TMEM63B: variants seen among roughly 807,000 people sequenced by gnomAD.
TMEM63B encodes transmembrane protein 63B, also known as mechanosensitive cation channel TMEM63B.
TMEM63B carries 23 observed loss-of-function variants against 102.6 expected under a neutral mutation model. That is an observed-to-expected ratio of 0.22 (90% CI 0.16 to 0.32). The LOEUF (loss-of-function observed/expected upper bound fraction) is 0.32. Among genes scored for constraint, TMEM63B ranks in the 10% least tolerant of loss-of-function variants. The pLI is 1.00. For synonymous variants in TMEM63B, 444 were observed against 437.0 expected (o/e 1.02, Z -0.20); for missense variants, 628 against 1,095.9 (o/e 0.57, Z 6.03).
upstream of TMEM63B, chr6:44,127,003 C>T (rs1465910909): frequency 6.6e-6 from 1 of 152,280 alleles, no homozygotes; most frequent in Non-Finnish European, 1.5e-5. Context: ...AGGAGACGCT[C>T]CGGAGTGACC....
Position 44,130,738 on chromosome 6 carries a change from A to G in TMEM63B, c.-25+3060A>G, listed in dbSNP as rs1007444122. 1.5e-5 allele frequency among the ~76,000 whole-genome samples: 2 copies of G among 133,416 alleles called. 1 individual carries two copies. 87.5% of individuals were successfully genotyped at this position (133,416 alleles called of 152,430 possible). A position where few individuals can be genotyped will look rare whatever the true frequency, so the allele number is the denominator to read the frequency against. ...AGTGCTGGGATTACAGGTGTGAGCCACCATGCCTGGCTTTTTTTTTTTTTT... is the reference window on the plus strand; with the variant it reads ...AGTGCTGGGATTACAGGTGTGAGCCGCCATGCCTGGCTTTTTTTTTTTTTT... On this transcript the variant is annotated intron_variant, in intron 1 of 23. Coordinates refer to ENST00000323267, the MANE Select transcript of TMEM63B (RefSeq NM_018426.3).
At position 44,150,161 on chromosome 6, in the gene TMEM63B, G is replaced by T; in HGVS notation, c.1521-63G>T. On this transcript the variant is annotated intron_variant, in intron 16 of 23. Coordinates refer to ENST00000323267, the MANE Select transcript of TMEM63B (RefSeq NM_018426.3). This position sits in a 1 kb window ranked among gnomAD's most constrained non-coding sequence, Gnocchi z 4.7. ...CACTCCTTGGACATTGTCCTTGTTG[G>T]GGGAGCAAGTCTGGGGCCTGGGCTC... 6.5e-7 allele frequency: 1 copy of T among 1,528,464 alleles called. No homozygotes were observed. The highest frequency in any genetic ancestry group is 9.0e-7 in the Non-Finnish European group (1 of 1,107,882). The allele number at this position is 1,528,464 out of a possible 1,614,324, so 94.7% of individuals were successfully genotyped here. A position where few individuals can be genotyped will look rare whatever the true frequency, so the allele number is the denominator to read the frequency against.
intron 15 of TMEM63B, 59 bp from the exon 16 acceptor site, chr6:44,149,800 C>A: frequency 6.9e-7 from 1 of 1,439,180 alleles, no homozygotes; most frequent in Non-Finnish European, 9.5e-7. Flanking sequence ...GGCACATAAG[C>A]AAAGCCACCT....
chr6:44,134,377 C>CGCTCT, intron 1 of TMEM63B, 184 bp from the exon 2 acceptor site: 1 of 590,074 alleles, frequency 1.7e-6, no homozygotes, highest in Non-Finnish European at 2.9e-6. Context: ...AGCCAGAGAG[C>CGCTCT]CAGTGAAGGT....
At chr6:44,145,354 G>A (rs1346024226) in intron 10 of TMEM63B, among the ~76,000 whole-genome samples, 1 of 151,368 alleles carries the variant, frequency 6.6e-6, no homozygotes, top group Non-Finnish European at 1.5e-5. Context: ...GCCAGGGCGG[G>A]CCAATCACCT....
In TMEM63B at chr6:44,137,293, TAATTC is replaced by T. The variant is rs1444929322; in HGVS notation, c.369+855_369+859del. The stretch of plus-strand genomic sequence containing the variant: ...TGTTACCTGCCTGGCTCTCCATCAT[TAATTC>T]CATGAGGGTAAGGAGCCTAGTCAGA... On this transcript the variant is annotated intron_variant, in intron 5 of 23. Coordinates refer to ENST00000323267, the MANE Select transcript of TMEM63B (RefSeq NM_018426.3). Among the ~76,000 whole-genome samples the T allele has an allele frequency of 2.0e-5, 3 of 152,310 alleles. No individual in the cohort carries two copies. In the East Asian group the frequency reaches 5.8e-4, roughly 29 times the overall value.
At position 44,152,718 on chromosome 6, in the gene TMEM63B, G is replaced by A. The variant is rs1032768158; in HGVS notation, c.1942+20G>A. On this transcript the variant is annotated intron_variant, in intron 20 of 23. Transcript: ENST00000323267. The surrounding 1 kb of genome is among the most constrained non-coding windows in gnomAD (Gnocchi z 6.4). ...CCTTCGGTAGGCACCGCCGCGCCGG[G>A]ACCTGGGCCCTGCTCGGGGGGACCC... The A allele has an allele frequency of 1.3e-6, 2 of 1,591,754 alleles. No individual in the cohort carries two copies. Among genetic ancestry groups the A allele is most frequent in the Admixed American group, 3.3e-5 (2 of 59,938 alleles).
At chr6:44,141,419 A>T (rs1764244067) in intron 10 of TMEM63B, among the ~76,000 whole-genome samples, 1 of 152,142 alleles carries the variant, frequency 6.6e-6, no homozygotes, top group South Asian at 2.1e-4. Flanking sequence ...TTCAAAATTA[A>T]AAGCAGCATT....
intron 6 of TMEM63B, chr6:44,138,736 G>GCACCCCCCCCCC: frequency 3.6e-6 from 1 of 280,538 alleles, no homozygotes; most frequent in Non-Finnish European, 6.9e-6. Flanking sequence ...CCCCCTGCCG[G>GCACCCCCCCCCC]CCCCCCCGCT....
chr6:44,150,416 A>G lies in TMEM63B; in HGVS notation c.1607+106A>G, dbSNP rs1766354154. 1 of 1,461,340 alleles carries G rather than the reference A, an allele frequency of 6.8e-7. No homozygotes were observed. The highest frequency in any genetic ancestry group is 1.2e-5 in the South Asian group (1 of 86,694). The allele number at this position is 1,461,340 out of a possible 1,614,324, so 90.5% of individuals were successfully genotyped here. ...TCCCCTACAAAGCAAGGGGCCCAAG[A>G]TGGGAAGCCTGGCCACCCCCAGGCC... On this transcript the variant is annotated intron_variant, in intron 17 of 23. Coordinates refer to ENST00000323267, the MANE Select transcript of TMEM63B (RefSeq NM_018426.3). This position sits in a 1 kb window ranked among gnomAD's most constrained non-coding sequence, Gnocchi z 4.7.
In TMEM63B at chr6:44,154,853, C is replaced by T; in HGVS notation, c.2469C>T (p.Asp823=). The part of the protein sequence containing the change: ...LTDTDFQSCE[D]SLIENEIHQ ...ACACAGACTTCCAGTCTTGCGAGGA[C>T]AGCCTCATAGAGAATGAGATTCACC... Residue 823 remains aspartate (D), a synonymous_variant, in exon 24 of 24, where the codon GAC becomes GAT. Coordinates refer to ENST00000323267, the MANE Select transcript of TMEM63B (RefSeq NM_018426.3). 6.2e-7 allele frequency: 1 copy of T among 1,602,406 alleles called. No homozygotes were observed. The highest frequency in any genetic ancestry group is 1.7e-5 in the Admixed American group (1 of 58,666).
At chr6:44,154,337 C>T in intron 22 of TMEM63B, 28 bp from the exon 23 acceptor site, 1 of 1,613,144 alleles carries the variant, frequency 6.2e-7, no homozygotes, top group East Asian at 2.2e-5. Context: ...CATGCCCCCA[C>T]TTCCTGACTC....
chr6:44,140,588 A>T (rs1333937736), intron 9 of TMEM63B: 2 of 645,854 alleles, frequency 3.1e-6, no homozygotes, highest in Non-Finnish European at 5.7e-6. Context: ...GAATACACAG[A>T]AACAGCCGTG....
rs547559259 is a variant in TMEM63B, at chr6:44,152,058, C to G, written c.1836+50C>G. ...GCCCGCACAGCGCCCCCTGGTGGCC[C>G]AACAAGAAACAGCAGCCATCGCGCT... On this transcript the variant is annotated intron_variant, in intron 19 of 23. Coordinates refer to ENST00000323267, the MANE Select transcript of TMEM63B (RefSeq NM_018426.3). The surrounding 1 kb of genome is among the most constrained non-coding windows in gnomAD (Gnocchi z 6.4). 2.0e-6 allele frequency: 3 copies of G among 1,531,700 alleles called. No homozygotes were observed. Among genetic ancestry groups the G allele is most frequent in the Non-Finnish European group, 2.6e-6 (3 of 1,142,838 alleles). 94.9% of individuals were successfully genotyped at this position (1,531,700 alleles called of 1,614,324 possible).
chr6:44,134,484 C>T, intron 1 of TMEM63B, 77 bp from the exon 2 acceptor site: 1 of 1,475,356 alleles, frequency 6.8e-7, no homozygotes, highest in Non-Finnish European at 9.1e-7. Context: ...TCCTCACTGC[C>T]CCCTCCCCAC....
At chr6:44,139,350 C>T in intron 6 of TMEM63B, 117 bp from the exon 7 acceptor site, 4 of 1,293,234 alleles carry the variant, frequency 3.1e-6, no homozygotes, top group Non-Finnish European at 4.4e-6. Context: ...ATACTACTGC[C>T]AGATCAGCTG....
chr6:44,131,952 T>C (rs1762037858), intron 1 of TMEM63B, among the ~76,000 whole-genome samples: 1 of 152,196 alleles, frequency 6.6e-6, no homozygotes, highest in Non-Finnish European at 1.5e-5. Flanking sequence ...CCCCAAGGTA[T>C]TCTGCCTCAA....
At position 44,150,138 on chromosome 6, in the gene TMEM63B, C is replaced by G; in HGVS notation, c.1521-86C>G. 6.9e-7 allele frequency: 1 copy of G among 1,445,410 alleles called. No individual in the cohort carries two copies. The highest frequency in any genetic ancestry group is 1.2e-5 in the South Asian group (1 of 85,824). The allele number at this position is 1,445,410 out of a possible 1,614,324, so 89.5% of individuals were successfully genotyped here. The stretch of plus-strand genomic sequence containing the variant: ...GGAGGCCCACCCTTCCCAGGGGACA[C>G]TCCTTGGACATTGTCCTTGTTGGGG... On this transcript the variant is annotated intron_variant, in intron 16 of 23. Coordinates refer to ENST00000323267, the MANE Select transcript of TMEM63B (RefSeq NM_018426.3). The surrounding 1 kb of genome is among the most constrained non-coding windows in gnomAD (Gnocchi z 4.7).
rs1561821415 is a variant in TMEM63B, at chr6:44,150,295, C to T, written c.1592C>T (p.Ser531Leu). Reference sequence around the variant, plus strand: ...ATCTTCATGGTGCTGCTCCTACCCTCGCTGGGACTGAGCAGGTGAGTTGAG... The same window carrying T: ...ATCTTCATGGTGCTGCTCCTACCCTTGCTGGGACTGAGCAGGTGAGTTGAG... ...FLIFMVLLLPSLGLSSLDLFF... is the reference protein window; with the variant it reads ...FLIFMVLLLPLLGLSSLDLFF... Residue 531 changes from serine to leucine, a missense_variant, in exon 17 of 24, where the codon TCG (serine) becomes TTG (leucine). By Grantham distance (145) the Ser-to-Leu change is moderately radical (BLOSUM62 -2). Transcript: ENST00000323267. The surrounding 1 kb of genome is among the most constrained non-coding windows in gnomAD (Gnocchi z 4.7). 1 of 1,613,906 alleles carries T rather than the reference C, an allele frequency of 6.2e-7. No individual in the cohort carries two copies. Among genetic ancestry groups the T allele is most frequent in the African/African-American group, 1.3e-5 (1 of 74,918 alleles).
Sources: allele counts gnomAD v4.1 joint callset (sites outside exome capture counted in the v4.1 genomes callset), GRCh38; gene constraint gnomAD v4.1.1; non-coding constraint Gnocchi (gnomAD v3.1); transcripts MANE v1.5; gene names NCBI Gene and HGNC (gene_info 2026-07-23, HGNC 2026-07-21).